Variants in TNIP3 observed in about 807,000 individuals in gnomAD.
TNIP3 encodes the protein TNFAIP3-interacting protein 3.
Under a neutral mutation model 54.1 loss-of-function variants are expected in TNIP3, and 34 were observed. The ratio of observed to expected loss-of-function variants is 0.63; its 90% CI spans 0.48 to 0.84. The LOEUF (loss-of-function observed/expected upper bound fraction) is 0.84, where lower values mean the gene tolerates loss of function less well. TNIP3 is among the 40% of genes least tolerant of loss of function. The pLI is 0.00. For missense variants in TNIP3, 366 were observed against 387.6 expected (o/e 0.94, Z 0.47); for synonymous variants, 134 against 136.8 (o/e 0.98, Z 0.14).
At chr4:121,198,130 G>T (rs1166332293) in intron 2 of TNIP3, among the ~76,000 whole-genome samples, 2 of 151,406 alleles carry the variant, frequency 1.3e-5, no homozygotes, top group African/African-American at 2.4e-5. Context: ...ACCTTGGCTA[G>T]GAGAAGTTTC....
rs1050547527 is a variant in TNIP3 at position 121,137,553 on chromosome 4, T to C, written c.946+1071A>G. 6 of 159,564 alleles carry C rather than the reference T, an allele frequency of 3.8e-5. No individual in the cohort carries two copies. The East Asian group carries it at 8.9e-4, about 24-fold the overall frequency. 9.9% of individuals were successfully genotyped at this position (159,564 alleles called of 1,614,324 possible). ...GCCTTTGTCACTCCCATTGCTGCTG[T>C]GTACAGCTGTCCAGATTGCGTATTG... is the stretch of plus-strand genomic sequence containing the variant. On this transcript the variant is annotated intron_variant, in intron 10 of 10. Coordinates refer to ENST00000057513, the MANE Select transcript of TNIP3 (RefSeq NM_024873.6).
Position 121,199,621 on chromosome 4 carries a change from A to T in TNIP3, c.68+16794T>A, listed in dbSNP as rs183204188. Among the ~76,000 whole-genome samples the T allele has an allele frequency of 9.1e-4, 139 of 152,342 alleles. 2 individuals are homozygous for T. In the South Asian group the frequency reaches 0.028, roughly 31 times the overall value. On this transcript the variant is annotated intron_variant, in intron 2 of 12. Transcript: ENST00000507879. ...TGATCTTTATCTCCCACATTCCTCT[A>T]TTCTTCAATGGAATTAAGAATAGTG...
intron 5 of TNIP3, among the ~76,000 whole-genome samples, chr4:121,153,444 A>G (rs548141707): frequency 6.6e-6 from 1 of 152,310 alleles, no homozygotes; most frequent in South Asian, 2.1e-4. Context: ...AATCTCAATT[A>G]TTTATAGTTC....
chr4:121,195,870 T>C (rs1018951349), intron 2 of TNIP3, among the ~76,000 whole-genome samples: 6 of 152,224 alleles, frequency 3.9e-5, no homozygotes, highest in African/African-American at 1.4e-4. Context: ...GAACTGGTTT[T>C]GTGAGTGATG....
chr4:121,164,318 G>A lies in TNIP3; in HGVS notation c.-193C>T. ...AGTGACTGTGGATAGGAATTACACA[G>A]AATAAAGTTATAAGCACTGCAACTG... On this transcript the variant is annotated 5_prime_UTR_variant, in exon 1 of 11. Coordinates refer to ENST00000057513, the MANE Select transcript of TNIP3 (RefSeq NM_024873.6). 7.2e-7 allele frequency: 1 copy of A among 1,392,442 alleles called. No homozygotes were observed. Among genetic ancestry groups the A allele is most frequent in the Non-Finnish European group, 9.3e-7 (1 of 1,075,250 alleles). 86.3% of individuals were successfully genotyped at this position (1,392,442 alleles called of 1,614,324 possible). A position where few individuals can be genotyped will look rare whatever the true frequency, so the allele number is the denominator to read the frequency against.
In TNIP3 at chr4:121,196,088, G is replaced by C. The variant is rs79895551; in HGVS notation, c.69-13292C>G. Among the ~76,000 whole-genome samples, 82 of 152,284 alleles carry C rather than the reference G, an allele frequency of 5.4e-4. 2 individuals carry two copies. The East Asian group carries it at 0.014, about 26-fold the overall frequency. ...AGAAGGCCTTTTTAAGGTGGAAACT[G>C]TCTCCCTGTTCTTAGAGTTGAGGGA... On this transcript the variant is annotated intron_variant, in intron 2 of 12. Coordinates refer to the TNIP3 transcript ENST00000507879.
intron 2 of TNIP3, among the ~76,000 whole-genome samples, chr4:121,198,091 T>C (rs1258605206): frequency 1.3e-5 from 2 of 151,800 alleles, no homozygotes; most frequent in Non-Finnish European, 2.9e-5. Context: ...TGTTTCTGGG[T>C]GAGTATAAAT....
At chr4:121,137,416 T>C (rs1161987396) in intron 10 of TNIP3, 2 of 152,246 alleles carry the variant, frequency 1.3e-5, no homozygotes, top group East Asian at 3.8e-4. Context: ...ATATTTGTAG[T>C]AGAAAGCAAA....
upstream of TNIP3, among the ~76,000 whole-genome samples, chr4:121,217,356 G>T (rs971524376): frequency 1.3e-5 from 2 of 152,004 alleles, no homozygotes; most frequent in African/African-American, 4.8e-5. Flanking sequence ...CTGTTTAATT[G>T]TAACAACAAC....
intron 2 of TNIP3, among the ~76,000 whole-genome samples, chr4:121,196,403 G>A (rs1465153183): frequency 6.6e-6 from 1 of 151,992 alleles, no homozygotes; most frequent in Non-Finnish European, 1.5e-5. Flanking sequence ...TTTTTTTTAA[G>A]TTAGAAAATA....
At position 121,173,173 on chromosome 4, in the gene TNIP3, G is replaced by A. The variant is rs529140008; in HGVS notation, c.190-9027C>T. Among the ~76,000 whole-genome samples the A allele has an allele frequency of 9.8e-4, 149 of 152,222 alleles. No individual in the cohort carries two copies. The South Asian group carries it at 0.016, about 17-fold the overall frequency. ...GTAAATAACACACCTAAAAATTGTA[G>A]CAGGAGACATCATTTACCAATGATG... On this transcript the variant is annotated intron_variant, in intron 3 of 12. Coordinates refer to the TNIP3 transcript ENST00000507879.
chr4:121,166,192 T>C (rs1178529192), upstream of TNIP3, among the ~76,000 whole-genome samples: 1 of 152,234 alleles, frequency 6.6e-6, no homozygotes, highest in Non-Finnish European at 1.5e-5. Flanking sequence ...ATTCTATACC[T>C]TTGCTTCTTT....
intron 2 of TNIP3, among the ~76,000 whole-genome samples, chr4:121,188,946 G>A (rs1725162347): frequency 6.6e-6 from 1 of 152,186 alleles, no homozygotes; most frequent in African/African-American, 2.4e-5. Flanking sequence ...TGCCTGGTGA[G>A]CATGCAACCC....
Position 121,157,002 on chromosome 4 carries a change from T to G in TNIP3, c.363+92A>C, listed in dbSNP as rs1488662037. On this transcript the variant is annotated intron_variant, in intron 4 of 10. Coordinates refer to ENST00000057513, the MANE Select transcript of TNIP3 (RefSeq NM_024873.6). ...GGTCGTTGCTCAGTAGTGAGTTGAT[T>G]TTAATAAAACGGTAGGTTTTCTACA... 3.2e-6 allele frequency: 5 copies of G among 1,553,432 alleles called. No homozygotes were observed. In the East Asian group the frequency reaches 1.1e-4, roughly 35 times the overall value.
rs762906174 is a variant in TNIP3 at position 121,141,859 on chromosome 4, A to G, written c.842T>C (p.Val281Ala). 6.2e-7 allele frequency: 1 copy of G among 1,600,678 alleles called. No individual in the cohort carries two copies. Among genetic ancestry groups the G allele is most frequent in the Non-Finnish European group, 8.5e-7 (1 of 1,173,660 alleles). Residue 281 changes from valine to alanine, a missense_variant, in exon 9 of 11, where the codon GTA becomes GCA. Val to Ala is a moderately conservative substitution (Grantham distance 64). Transcript: ENST00000057513. ...GLVFHLQDPW[V>A]PTGPGAVQKQ... is the part of the protein sequence containing the mutation. ...CTGCACAGCTCCAGGGCCTGTTGGT[A>G]CCCATGGATCTTGCAGGTGGAAAAC...
At chr4:121,133,173 C>T (rs1728576840) in intron 10 of TNIP3, among the ~76,000 whole-genome samples, 1 of 151,974 alleles carries the variant, frequency 6.6e-6, no homozygotes, top group South Asian at 2.1e-4. Flanking sequence ...ATAATGAATA[C>T]TACATGAAAG....
In TNIP3 at chr4:121,194,690, C is replaced by T. The variant is rs553040212; in HGVS notation, c.69-11894G>A. On this transcript the variant is annotated intron_variant, in intron 2 of 12. Transcript: ENST00000507879. The stretch of plus-strand genomic sequence containing the variant: ...GTAAAAAACACAAAATAAACAAAAC[C>T]CCTAAACCTTGAGTGTCTTCATCTT... Among the ~76,000 whole-genome samples the T allele has an allele frequency of 9.2e-5, 14 of 152,128 alleles. No individual in the cohort carries two copies. In the South Asian group the frequency reaches 2.9e-3, roughly 32 times the overall value.
chr4:121,161,291 C>A (rs970452027), intron 1 of TNIP3, 75 bp from the exon 2 acceptor site: 9 of 1,330,984 alleles, frequency 6.8e-6, no homozygotes, highest in Middle Eastern at 3.7e-4. Context: ...TCCTCAGAAA[C>A]CCCATGCATT....
chr4:121,134,292 T>A (rs532728054), intron 10 of TNIP3, among the ~76,000 whole-genome samples: 16 of 152,332 alleles, frequency 1.1e-4, no homozygotes, highest in Admixed American at 2.6e-4. Context: ...GTGACTGGCA[T>A]GCAATGCAAT....
Sources: gnomAD v4.1 joint callset for allele counts (sites outside exome capture counted in the v4.1 genomes callset) on GRCh38, gnomAD v4.1.1 for gene constraint, MANE v1.5 for transcripts, NCBI Gene and HGNC (gene_info 2026-07-23, HGNC 2026-07-21) for gene names.